XYLT1: variants seen among roughly 807,000 people sequenced by gnomAD.
XYLT1 encodes xylosyltransferase 1, also known as beta-D-xylosyltransferase 1.
A neutral mutation model predicts 91.3 loss-of-function variants in XYLT1; 36 were observed. The ratio of observed to expected loss-of-function variants is 0.39; its 90% CI spans 0.30 to 0.52. The LOEUF (loss-of-function observed/expected upper bound fraction) is 0.52, where lower values mean the gene tolerates loss of function less well. XYLT1 is among the 20% of genes least tolerant of loss of function. XYLT1 has a pLI of 0.68. For missense variants in XYLT1, 1,242 were observed against 1,284.5 expected (o/e 0.97, Z 0.51); for synonymous variants, 588 against 532.0 (o/e 1.11, Z -1.45).
chr16:17,113,396 G>A (rs1368708234), intron 11 of XYLT1, among the ~76,000 whole-genome samples: 1 of 152,138 alleles, frequency 6.6e-6, no homozygotes, highest in Non-Finnish European at 1.5e-5. Flanking sequence ...GTCCACCTCA[G>A]CCTCCCAAAG....
At chr16:17,397,740 C>T (rs1370040996) in intron 1 of XYLT1, among the ~76,000 whole-genome samples, 1 of 151,740 alleles carries the variant, frequency 6.6e-6, no homozygotes, top group East Asian at 1.9e-4. Context: ...GCCTTTGAGT[C>T]TAGCTCACTG....
chr16:17,334,727 C>T (rs1229101424), intron 2 of XYLT1, among the ~76,000 whole-genome samples: 1 of 151,948 alleles, frequency 6.6e-6, no homozygotes, highest in East Asian at 1.9e-4. Context: ...ACTAAAAATA[C>T]AAAAAATTAG....
intron 5 of XYLT1, among the ~76,000 whole-genome samples, chr16:17,159,871 G>A (rs1418634811): frequency 2.0e-5 from 3 of 152,174 alleles, no homozygotes; most frequent in East Asian, 1.9e-4. Context: ...AAACGCAGTC[G>A]CCTCTTCTGC....
intron 1 of XYLT1, among the ~76,000 whole-genome samples, chr16:17,401,116 G>T (rs1293587140): frequency 6.6e-6 from 1 of 152,132 alleles, no homozygotes; most frequent in Non-Finnish European, 1.5e-5. Flanking sequence ...GCTCAGTGTG[G>T]ATGAGTTTTT....
chr16:17,434,035 G>A (rs1298350060), intron 1 of XYLT1, among the ~76,000 whole-genome samples: 2 of 152,258 alleles, frequency 1.3e-5, no homozygotes, highest in East Asian at 3.9e-4. Context: ...GTATTTATGG[G>A]ACTGGGTTTG....
In XYLT1 at chr16:17,470,601, CCCGGCGCGGGGCCGGGGCCGGGGGCGG is replaced by C; in HGVS notation, c.169_195del (p.Pro57_Arg65del). The C allele has an allele frequency of 1.7e-6, 2 of 1,163,358 alleles. No individual in the cohort carries two copies. The highest frequency in any genetic ancestry group is 1.1e-6 in the Non-Finnish European group (1 of 945,442). 72.1% of individuals were successfully genotyped at this position (1,163,358 alleles called of 1,614,324 possible). ...GGCTCGGCGGGCAGGTCCCGGCGCT[CCCGGCGCGGGGCCGGGGCCGGGGGCGG>C]CTGCTCCCCGCCGCCGACCGCTGCG... is the stretch of plus-strand genomic sequence containing the variant. On this transcript the variant is annotated inframe_deletion, in exon 1 of 12. Transcript: ENST00000261381.
chr16:17,342,339 A>T (rs2035073515), intron 2 of XYLT1, among the ~76,000 whole-genome samples: 1 of 152,174 alleles, frequency 6.6e-6, no homozygotes, highest in Admixed American at 6.5e-5. Context: ...GGAAAAGGGC[A>T]ACCTATCTCC....
intron 2 of XYLT1, among the ~76,000 whole-genome samples, chr16:17,263,919 G>C (rs2033762746): frequency 6.6e-6 from 1 of 152,096 alleles, no homozygotes; most frequent in African/African-American, 2.4e-5. Context: ...ATGTTGGCCA[G>C]GCTGGTCTCG....
At chr16:17,239,402 C>T (rs1248715912) in intron 3 of XYLT1, among the ~76,000 whole-genome samples, 1 of 150,652 alleles carries the variant, frequency 6.6e-6, no homozygotes, top group Non-Finnish European at 1.5e-5. Context: ...CACTCACCCA[C>T]CCAGTCCATC....
chr16:17,297,773 C>A (rs1018771446), intron 2 of XYLT1, among the ~76,000 whole-genome samples: 1 of 151,954 alleles, frequency 6.6e-6, no homozygotes, highest in African/African-American at 2.4e-5. Flanking sequence ...TGTAATCCCA[C>A]CACTTTGGGA....
At position 17,347,026 on chromosome 16, in the gene XYLT1, G is replaced by C. The variant is rs565967414; in HGVS notation, c.402+10986C>G. 2.6e-5 allele frequency among the ~76,000 whole-genome samples: 4 copies of C among 152,300 alleles called. No homozygotes were observed. In the East Asian group the frequency reaches 7.7e-4, roughly 29 times the overall value. On this transcript the variant is annotated intron_variant, in intron 2 of 11. Transcript: ENST00000261381. ...GAAGATCACATTGAGGGGGGAGCCG[G>C]GGTAGCCCCACTGCTACTCCCTCCT...
At chr16:17,371,121 C>T (rs968698280) in intron 1 of XYLT1, among the ~76,000 whole-genome samples, 3 of 152,204 alleles carry the variant, frequency 2.0e-5, no homozygotes, top group African/African-American at 7.2e-5. Flanking sequence ...TAATTTAACT[C>T]AAGAAGCACC....
chr16:17,130,926 C>T (rs901483902), intron 9 of XYLT1, among the ~76,000 whole-genome samples: 3 of 152,180 alleles, frequency 2.0e-5, no homozygotes, highest in Non-Finnish European at 2.9e-5. Flanking sequence ...CTTCCTTCCT[C>T]ATTGCTGCCT....
At chr16:17,170,663 C>G (rs868481634) in intron 5 of XYLT1, among the ~76,000 whole-genome samples, 3 of 152,194 alleles carry the variant, frequency 2.0e-5, no homozygotes, top group Admixed American at 1.3e-4. Flanking sequence ...TGTACTGACA[C>G]GCTGACCTTT....
intron 1 of XYLT1, among the ~76,000 whole-genome samples, chr16:17,375,675 C>T (rs1216885168): frequency 1.3e-5 from 2 of 152,216 alleles, no homozygotes; most frequent in African/African-American, 4.8e-5. Flanking sequence ...AAGAGCAGTC[C>T]ATGATCCAGA....
intron 1 of XYLT1, among the ~76,000 whole-genome samples, chr16:17,436,937 C>T (rs542282513): frequency 5.9e-5 from 9 of 152,318 alleles, no homozygotes; most frequent in Non-Finnish European, 1.2e-4. Flanking sequence ...TCCACACAGC[C>T]ATGCATGTGA....
intron 10 of XYLT1, among the ~76,000 whole-genome samples, chr16:17,125,620 A>T (rs567104081): frequency 6.6e-6 from 1 of 152,092 alleles, no homozygotes; most frequent in Non-Finnish European, 1.5e-5. Flanking sequence ...TGATCTCCTT[A>T]GAAAAGCCTT....
intron 9 of XYLT1, among the ~76,000 whole-genome samples, chr16:17,129,922 C>CTATT (rs1371922772): frequency 2.0e-5 from 3 of 152,196 alleles, no homozygotes; most frequent in African/African-American, 7.2e-5. Context: ...GAGGCAGAAC[C>CTATT]TATTTTTCTA....
At chr16:17,208,399 T>C (rs2032696712) in intron 3 of XYLT1, among the ~76,000 whole-genome samples, 1 of 152,068 alleles carries the variant, frequency 6.6e-6, no homozygotes, top group Non-Finnish European at 1.5e-5. Flanking sequence ...TTATGTGAAA[T>C]GCCTGGAACC....
Sources: gnomAD v4.1 joint callset for allele counts (sites outside exome capture counted in the v4.1 genomes callset) on GRCh38, gnomAD v4.1.1 for gene constraint, MANE v1.5 for transcripts, NCBI Gene and HGNC (gene_info 2026-07-23, HGNC 2026-07-21) for gene names.